Variants in FBXL20 observed in about 807,000 individuals in gnomAD.
FBXL20 encodes the protein F-box/LRR-repeat protein 20.
Under a neutral mutation model 64.0 loss-of-function variants are expected in FBXL20, and 11 were observed. That is an observed-to-expected ratio of 0.17 (90% CI 0.11 to 0.28). FBXL20 has a LOEUF of 0.28. Among genes scored for constraint, FBXL20 ranks in the 10% least tolerant of loss-of-function variants. The pLI is 1.00. For synonymous variants in FBXL20, 184 were observed against 189.0 expected (o/e 0.97, Z 0.22); for missense variants, 303 against 526.2 (o/e 0.58, Z 4.15).
chr17:39,272,894 G>A (rs770542637), intron 10 of FBXL20, among the ~76,000 whole-genome samples: 9 of 152,156 alleles, frequency 5.9e-5, no homozygotes, highest in Middle Eastern at 6.8e-3. Context: ...CTCTACAGTC[G>A]AAAAGGATAA....
chr17:39,273,435 A>G (rs534248395), intron 10 of FBXL20, among the ~76,000 whole-genome samples: 4 of 152,336 alleles, frequency 2.6e-5, no homozygotes, highest in African/African-American at 9.6e-5. Context: ...AGGCTCAGGA[A>G]TCAGAGTTCC....
intron 2 of FBXL20, among the ~76,000 whole-genome samples, chr17:39,334,527 G>T (rs2338801): frequency 0.4 from 59,619 of 150,920 alleles, 15,348 homozygotes; most frequent in African/African-American, 0.74. Context: ...ATCCATGCTT[G>T]CCATTTCAGT....
At chr17:39,378,839 G>C (rs983473169) in intron 1 of FBXL20, among the ~76,000 whole-genome samples, 10 of 151,554 alleles carry the variant, frequency 6.6e-5, no homozygotes, top group Admixed American at 2.6e-4. Flanking sequence ...TCGAACTCCT[G>C]ACCTCAGGTG....
At chr17:39,327,042 G>A (rs950137458) in intron 2 of FBXL20, among the ~76,000 whole-genome samples, 2 of 151,784 alleles carry the variant, frequency 1.3e-5, no homozygotes, top group African/African-American at 2.4e-5. Flanking sequence ...CACCACACTC[G>A]TCTCCACTAA....
chr17:39,394,079 C>T (rs2048159914), intron 1 of FBXL20, among the ~76,000 whole-genome samples: 1 of 152,130 alleles, frequency 6.6e-6, no homozygotes, highest in South Asian at 2.1e-4. Context: ...TAAGAATTCG[C>T]TTAGTCTCAC....
At chr17:39,377,692 C>T (rs181329007) in intron 1 of FBXL20, among the ~76,000 whole-genome samples, 9 of 152,114 alleles carry the variant, frequency 5.9e-5, no homozygotes, top group Admixed American at 5.2e-4. Context: ...TTAGTGGAGA[C>T]GGGGTTTCAC....
chr17:39,363,812 A>AAAAAAAAAAAC lies in FBXL20; in HGVS notation c.43-20572_43-20571insGTTTTTTTTTT, dbSNP rs1567896930. Reference sequence around the variant, plus strand: ...GGTGACAGAGCAAGACTTTATCTCAAAAAAAAAAAAAAAACAAAAAACAAA... The same window carrying AAAAAAAAAAAC: ...GGTGACAGAGCAAGACTTTATCTCAAAAAAAAAAAACAAAAAAAAAAAAAACAAAAAACAAA... On this transcript the variant is annotated intron_variant, in intron 1 of 14. Transcript: ENST00000264658. 1.3e-3 allele frequency among the ~76,000 whole-genome samples: 164 copies of AAAAAAAAAAAC among 128,062 alleles called. 5 individuals are homozygous for AAAAAAAAAAAC. The highest frequency in any genetic ancestry group is 1.7e-3 in the African/African-American group (51 of 30,524). 84.0% of individuals were successfully genotyped at this position (128,062 alleles called of 152,430 possible).
In FBXL20 at chr17:39,376,080, C is replaced by G. The variant is rs543990570; in HGVS notation, c.42+25281G>C. 2.6e-5 allele frequency among the ~76,000 whole-genome samples: 4 copies of G among 152,206 alleles called. No homozygotes were observed. In the South Asian group the frequency reaches 6.2e-4, roughly 24 times the overall value. On this transcript the variant is annotated intron_variant, in intron 1 of 14. Coordinates refer to ENST00000264658, the MANE Select transcript of FBXL20 (RefSeq NM_032875.3). ...GTTGCAATGAGCCGTGATTGCACCA[C>G]TGCACTCCAGCCTGGGCGACAGTGT...
chr17:39,396,009 G>GT (rs1567909991), intron 1 of FBXL20, among the ~76,000 whole-genome samples: 2 of 129,428 alleles, frequency 1.5e-5, no homozygotes, highest in African/African-American at 3.7e-5. Flanking sequence ...AGTTTTGTGG[G>GT]GTTTTTTTTT....
intron 2 of FBXL20, among the ~76,000 whole-genome samples, chr17:39,331,352 C>A (rs1238869331): frequency 1.3e-5 from 2 of 152,174 alleles, no homozygotes; most frequent in African/African-American, 2.4e-5. Flanking sequence ...CTGCCCGCCT[C>A]GGCCTCCCAG....
intron 2 of FBXL20, among the ~76,000 whole-genome samples, chr17:39,317,911 C>T (rs1442904911): frequency 1.3e-5 from 2 of 151,054 alleles, no homozygotes; most frequent in Non-Finnish European, 3.0e-5. Flanking sequence ...CCGTGTTAGC[C>T]GGGATGGTCT....
At chr17:39,361,383 GAAGA>G (rs1308303076) in intron 1 of FBXL20, among the ~76,000 whole-genome samples, 2 of 152,176 alleles carry the variant, frequency 1.3e-5, no homozygotes, top group Non-Finnish European at 2.9e-5. Context: ...GAGATATGCA[GAAGA>G]AAGAACTGCA....
chr17:39,402,162 C>A, upstream of FBXL20: 5 of 1,232,860 alleles, frequency 4.1e-6, no homozygotes, highest in Non-Finnish European at 5.1e-6. Flanking sequence ...CTCCCTTCCC[C>A]TGTCACTCAC....
intron 1 of FBXL20, among the ~76,000 whole-genome samples, chr17:39,350,161 A>T (rs1445055534): frequency 1.3e-5 from 2 of 152,200 alleles, no homozygotes; most frequent in African/African-American, 4.8e-5. Flanking sequence ...TAACAAAAAA[A>T]CACATTATAT....
chr17:39,339,225 A>C (rs1194947704), intron 2 of FBXL20, among the ~76,000 whole-genome samples: 1 of 150,688 alleles, frequency 6.6e-6, no homozygotes, highest in East Asian at 1.9e-4. Context: ...CATCTGCCCC[A>C]TCTGTATAAA....
At chr17:39,402,202 G>A (rs758774529), upstream of FBXL20, 3 of 1,232,224 alleles carry the variant, frequency 2.4e-6, no homozygotes, top group Non-Finnish European at 3.0e-6. Context: ...TGCAGCAGGC[G>A]GTCCCTGCTC....
intron 9 of FBXL20, 96 bp from the exon 10 acceptor site, chr17:39,275,196 G>A: frequency 2.3e-6 from 3 of 1,296,762 alleles, no homozygotes; most frequent in Non-Finnish European, 3.1e-6. Flanking sequence ...TCACCAAAAA[G>A]GAAATCAAGA....
At chr17:39,262,280 T>TA (rs1443825815) in intron 14 of FBXL20, among the ~76,000 whole-genome samples, 2 of 152,170 alleles carry the variant, frequency 1.3e-5, no homozygotes, top group African/African-American at 4.8e-5. Flanking sequence ...GTGGATTTTT[T>TA]AGAGGTTGGT....
intron 1 of FBXL20, among the ~76,000 whole-genome samples, chr17:39,399,505 A>G (rs2048219917): frequency 6.6e-6 from 1 of 152,238 alleles, no homozygotes; most frequent in South Asian, 2.1e-4. Flanking sequence ...TATCATTTCT[A>G]GCCATTCTCA....
Sources: allele counts gnomAD v4.1 joint callset (sites outside exome capture counted in the v4.1 genomes callset), GRCh38; gene constraint gnomAD v4.1.1; transcripts MANE v1.5; gene names NCBI Gene and HGNC (gene_info 2026-07-23, HGNC 2026-07-21).